RARS2: variants seen among roughly 807,000 people sequenced by gnomAD.
RARS2 encodes the protein arginyl-tRNA synthetase 2, mitochondrial.
Under a neutral mutation model 88.5 loss-of-function variants are expected in RARS2, and 67 were observed. The observed-to-expected ratio is 0.76, with a 90% confidence interval of 0.62 to 0.93. The LOEUF is 0.93. RARS2 is among the 40% of genes least tolerant of loss of function. The pLI is 0.00. For missense variants in RARS2, 664 were observed against 684.2 expected (o/e 0.97, Z 0.33); for synonymous variants, 239 against 230.3 (o/e 1.04, Z -0.34).
At chr6:87,571,434 AC>A (rs1268178819) in intron 1 of RARS2, among the ~76,000 whole-genome samples, 5 of 152,250 alleles carry the variant, frequency 3.3e-5, no homozygotes, top group African/African-American at 1.2e-4. Context: ...AGACTAATAC[AC>A]ATATGTATAT....
intron 1 of RARS2, among the ~76,000 whole-genome samples, chr6:87,583,407 T>A (rs370567801): frequency 6.6e-6 from 1 of 152,006 alleles, no homozygotes; most frequent in East Asian, 1.9e-4. Flanking sequence ...CTGACCAAAA[T>A]GGAGAAACCC....
intron 7 of RARS2, among the ~76,000 whole-genome samples, chr6:87,543,789 A>T (rs1010355113): frequency 1.3e-5 from 2 of 152,212 alleles, no homozygotes; most frequent in Non-Finnish European, 2.9e-5. Context: ...AATACTTTGG[A>T]ACTTAGGAAC....
At chr6:87,563,691 T>G (rs1788566236) in intron 3 of RARS2, among the ~76,000 whole-genome samples, 1 of 152,254 alleles carries the variant, frequency 6.6e-6, no homozygotes, top group Admixed American at 6.5e-5. Flanking sequence ...GAAAGAGGCT[T>G]ATTAAATCAT....
At chr6:87,527,949 T>C (rs1331706260) in intron 10 of RARS2, among the ~76,000 whole-genome samples, 2 of 151,568 alleles carry the variant, frequency 1.3e-5, no homozygotes, top group Non-Finnish European at 2.9e-5. Context: ...GAAAAATAGG[T>C]AATGGATGCT....
chr6:87,570,934 C>T (rs1200613689), intron 1 of RARS2, among the ~76,000 whole-genome samples: 2 of 152,136 alleles, frequency 1.3e-5, no homozygotes, highest in Non-Finnish European at 2.9e-5. Flanking sequence ...CTATTTCAAC[C>T]CTCATTTTAT....
chr6:87,514,807 C>A (rs1562040317), intron 19 of RARS2, 150 bp downstream of exon 19: 1 of 729,536 alleles, frequency 1.4e-6, no homozygotes, highest in African/African-American at 1.7e-5. Context: ...AGTATATACA[C>A]ATTGATTGTT....
intron 7 of RARS2, among the ~76,000 whole-genome samples, chr6:87,544,686 C>T (rs957925511): frequency 6.6e-6 from 1 of 152,236 alleles, no homozygotes; most frequent in African/African-American, 2.4e-5. Context: ...TGCCCTCTCA[C>T]ACCTTGATTA....
intron 4 of RARS2, among the ~76,000 whole-genome samples, chr6:87,561,092 C>A (rs948478851): frequency 2.0e-5 from 3 of 152,084 alleles, no homozygotes; most frequent in Non-Finnish European, 4.4e-5. Context: ...AAAAAATGGA[C>A]TGTAAAACAG....
At chr6:87,568,810 A>G (rs1330004942) in intron 2 of RARS2, among the ~76,000 whole-genome samples, 1 of 152,218 alleles carries the variant, frequency 6.6e-6, no homozygotes, top group Non-Finnish European at 1.5e-5. Flanking sequence ...ATAAAATACA[A>G]GGACAGAATG....
At position 87,551,025 on chromosome 6, in the gene RARS2, GAAAAAC is replaced by G. The variant is rs374857287; in HGVS notation, c.396-2385_396-2380del. Reference sequence around the variant, plus strand: ...ACTAGGTATTTATAATGTCTGTTAAGAAAAACAAAAACAAAAACAAAAACAAAAAAA... The same window carrying G: ...ACTAGGTATTTATAATGTCTGTTAAGAAAAACAAAAACAAAAACAAAAAAA... On this transcript the variant is annotated intron_variant, in intron 5 of 19. Transcript: ENST00000369536. 6.7e-4 allele frequency among the ~76,000 whole-genome samples: 102 copies of G among 151,680 alleles called. 2 individuals carry two copies. The highest frequency in any genetic ancestry group is 3.4e-3 in the Middle Eastern group (1 of 294).
At chr6:87,538,478 C>A (rs1779864322) in intron 8 of RARS2, among the ~76,000 whole-genome samples, 1 of 152,016 alleles carries the variant, frequency 6.6e-6, no homozygotes, top group Admixed American at 6.5e-5. Flanking sequence ...TATTAAACTG[C>A]ATAGAAAGAA....
intron 1 of RARS2, among the ~76,000 whole-genome samples, chr6:87,580,582 A>G (rs2128219243): frequency 7.7e-6 from 1 of 130,634 alleles, no homozygotes; most frequent in African/African-American, 3.1e-5. Flanking sequence ...TGAGAGTGAA[A>G]CCCTGTCTCA....
At chr6:87,585,557 C>T (rs1032550301) in intron 1 of RARS2, among the ~76,000 whole-genome samples, 14 of 151,940 alleles carry the variant, frequency 9.2e-5, no homozygotes, top group Admixed American at 2.6e-4. Flanking sequence ...GGTGAAACCC[C>T]GTCTCTACTA....
intron 17 of RARS2, among the ~76,000 whole-genome samples, 155 bp from the exon 18 acceptor site, chr6:87,517,035 T>C (rs369138042): frequency 6.6e-6 from 1 of 152,160 alleles, no homozygotes; most frequent in South Asian, 2.1e-4. Context: ...TCCCAGCACT[T>C]TGGGAGACTG....
Position 87,589,974 on chromosome 6 carries a change from G to A in RARS2, c.-17C>T, listed in dbSNP as rs376141548. On this transcript the variant is annotated 5_prime_UTR_variant, in exon 1 of 20. Coordinates refer to ENST00000369536, the MANE Select transcript of RARS2 (RefSeq NM_020320.5). Reference sequence around the variant, plus strand: ...GCACGCCATGTCCACCTCTACGGAAGTGCGCCGCAGTCCGCCAGTTCCGGC... The same window carrying A: ...GCACGCCATGTCCACCTCTACGGAAATGCGCCGCAGTCCGCCAGTTCCGGC... 6.2e-7 allele frequency: 1 copy of A among 1,614,236 alleles called. No homozygotes were observed. The highest frequency in any genetic ancestry group is 8.5e-7 in the Non-Finnish European group (1 of 1,180,036).
intron 4 of RARS2, among the ~76,000 whole-genome samples, chr6:87,561,505 C>T (rs910240211): frequency 1.3e-5 from 2 of 152,212 alleles, no homozygotes; most frequent in Admixed American, 1.3e-4. Flanking sequence ...CAGCTGCAAT[C>T]CTCAAGCCTG....
intron 4 of RARS2, among the ~76,000 whole-genome samples, chr6:87,557,232 G>A (rs144577399): frequency 9.1e-4 from 139 of 152,282 alleles, no homozygotes; most frequent in African/African-American, 2.7e-3. Flanking sequence ...GCACAAGGAC[G>A]TAGAGAAAAT....
chr6:87,581,399 AG>A (rs1484986584), intron 1 of RARS2, among the ~76,000 whole-genome samples: 1 of 152,142 alleles, frequency 6.6e-6, no homozygotes, highest in Admixed American at 6.6e-5. Flanking sequence ...AACACTACCA[AG>A]TCAGGCACTG....
Position 87,530,867 on chromosome 6 carries a change from A to G in RARS2, c.688T>C (p.Leu230=), listed in dbSNP as rs781045597. ...AKAAQEFFQR[L]ELGDVQALSL... Reference sequence around the variant, plus strand: ...AGTGCTTGCACATCGCCCAGTTCCAATCGTTGGAAGAACTCCTGTGCTGCT... The same window carrying G: ...AGTGCTTGCACATCGCCCAGTTCCAGTCGTTGGAAGAACTCCTGTGCTGCT... The change falls in exon 9 of 20, where the codon TTG becomes CTG. Residue 230 remains leucine, a synonymous_variant. Transcript: ENST00000369536. 1.1e-5 allele frequency: 18 copies of G among 1,614,074 alleles called. No homozygotes were observed. The Middle Eastern group carries it at 1.2e-3, about 103-fold the overall frequency.
Sources: gnomAD v4.1 joint callset for allele counts (sites outside exome capture counted in the v4.1 genomes callset) on GRCh38, gnomAD v4.1.1 for gene constraint, MANE v1.5 for transcripts, NCBI Gene and HGNC (gene_info 2026-07-23, HGNC 2026-07-21) for gene names.